Variants in PDLIM5 observed in about 807,000 individuals in gnomAD.
PDLIM5 encodes PDZ and LIM domain 5.
Under a neutral mutation model 64.2 loss-of-function variants are expected in PDLIM5, and 34 were observed. The ratio of observed to expected loss-of-function variants is 0.53; its 90% CI spans 0.40 to 0.71. The LOEUF (loss-of-function observed/expected upper bound fraction) is 0.71. Among genes scored for constraint, PDLIM5 ranks in the 30% least tolerant of loss-of-function variants. The pLI, the probability that PDLIM5 is intolerant of heterozygous loss-of-function variation, is 0.00. For missense variants in PDLIM5, 683 were observed against 733.6 expected, an observed-to-expected ratio of 0.93 and a Z score of 0.80; for synonymous variants, 253 against 269.1, an observed-to-expected ratio of 0.94 and a Z score of 0.59.
chr4:94,489,213 A>G (rs774982), intron 2 of PDLIM5: 93,373 of 151,992 alleles, frequency 0.61, 29,152 homozygotes, highest in South Asian at 0.79. Context: ...TGAGACAAGT[A>G]GCTGTGTTAG....
chr4:94,591,150 T>C (rs983629848), intron 7 of PDLIM5, among the ~76,000 whole-genome samples: 3 of 152,220 alleles, frequency 2.0e-5, no homozygotes, highest in African/African-American at 7.2e-5. Flanking sequence ...TAGTGATGAA[T>C]TTGAGGATTT....
At chr4:94,528,333 C>T (rs1274746382) in intron 3 of PDLIM5, among the ~76,000 whole-genome samples, 2 of 152,098 alleles carry the variant, frequency 1.3e-5, no homozygotes, top group Non-Finnish European at 2.9e-5. Context: ...TTCAGTTCAG[C>T]GTTTAATTAT....
intron 10 of PDLIM5, among the ~76,000 whole-genome samples, chr4:94,655,292 G>A (rs1742127363): frequency 6.6e-6 from 1 of 152,000 alleles, no homozygotes; most frequent in Non-Finnish European, 1.5e-5. Flanking sequence ...GGAATACCTA[G>A]TTTCCAATGA....
At chr4:94,639,098 G>A (rs1195408927) in intron 8 of PDLIM5, among the ~76,000 whole-genome samples, 1 of 152,176 alleles carries the variant, frequency 6.6e-6, no homozygotes, top group Non-Finnish European at 1.5e-5. Context: ...CAATAAAGTA[G>A]TGGTTACTAG....
At chr4:94,644,822 G>A (rs1354913612) in intron 9 of PDLIM5, among the ~76,000 whole-genome samples, 7 of 152,054 alleles carry the variant, frequency 4.6e-5, no homozygotes, top group Admixed American at 2.6e-4. Context: ...ATTAACAGGC[G>A]TAAGCCACCA....
At chr4:94,540,622 G>A (rs1394882146) in intron 3 of PDLIM5, among the ~76,000 whole-genome samples, 1 of 152,176 alleles carries the variant, frequency 6.6e-6, no homozygotes, top group Non-Finnish European at 1.5e-5. Context: ...AATTGGGGTG[G>A]AGGAATGAGA....
intron 2 of PDLIM5, among the ~76,000 whole-genome samples, chr4:94,500,507 G>A (rs1396403874): frequency 6.6e-6 from 1 of 152,096 alleles, no homozygotes; most frequent in Non-Finnish European, 1.5e-5. Flanking sequence ...GGGAATTGAT[G>A]GCAGACTAGA....
In PDLIM5 at chr4:94,665,429, T is replaced by G; in HGVS notation, c.*1362T>G. 3.6e-6 allele frequency: 2 copies of G among 554,910 alleles called. No individual in the cohort carries two copies. The highest frequency in any genetic ancestry group is 4.5e-6 in the Non-Finnish European group (2 of 447,340). The allele number at this position is 554,910 out of a possible 1,614,324, so 34.4% of individuals were successfully genotyped here. On this transcript the variant is annotated 3_prime_UTR_variant, in exon 13 of 13. Transcript: ENST00000317968. ...CCAGGAGACGGAAGTTGCAGTGAGC[T>G]GAGATCACACCACTGCACTCCAGCC... is the stretch of plus-strand genomic sequence containing the variant.
At chr4:94,563,630 A>G (rs912379560) in intron 3 of PDLIM5, among the ~76,000 whole-genome samples, 5 of 152,234 alleles carry the variant, frequency 3.3e-5, no homozygotes, top group Admixed American at 1.3e-4. Context: ...TTGCAATTTA[A>G]CACGTTTAGC....
chr4:94,462,842 G>A (rs1304040654), intron 2 of PDLIM5, among the ~76,000 whole-genome samples: 1 of 152,104 alleles, frequency 6.6e-6, no homozygotes, highest in Non-Finnish European at 1.5e-5. Context: ...AATCAGATGG[G>A]CCAGTTTCCA....
intron 8 of PDLIM5, among the ~76,000 whole-genome samples, chr4:94,619,360 T>TG (rs1026258373): frequency 6.6e-6 from 1 of 150,726 alleles, no homozygotes; most frequent in South Asian, 2.1e-4. Context: ...TTCTTTTTTT[T>TG]TTTTCCACGG....
intron 7 of PDLIM5, chr4:94,607,943 T>C (rs1738060162): frequency 5.0e-6 from 3 of 596,540 alleles, no homozygotes; most frequent in Non-Finnish European, 8.0e-6. Flanking sequence ...AGAAAACCAA[T>C]AGTGTTCCCA....
At chr4:94,661,963 G>A (rs1176595041) in intron 11 of PDLIM5, among the ~76,000 whole-genome samples, 1 of 152,060 alleles carries the variant, frequency 6.6e-6, no homozygotes, top group African/African-American at 2.4e-5. Context: ...TGGGACTACA[G>A]GCATGCGCCA....
At chr4:94,562,224 G>T (rs1168916720) in intron 3 of PDLIM5, among the ~76,000 whole-genome samples, 1 of 152,142 alleles carries the variant, frequency 6.6e-6, no homozygotes, top group South Asian at 2.1e-4. Context: ...TTGAGTCAAG[G>T]TTGGTGTTTA....
chr4:94,479,152 G>A (rs186804508), intron 2 of PDLIM5, among the ~76,000 whole-genome samples: 86 of 150,678 alleles, frequency 5.7e-4, no homozygotes, highest in African/African-American at 1.7e-3. Flanking sequence ...CTCCCACCTC[G>A]GCCTTCCAAA....
At chr4:94,590,040 A>G (rs1008659623) in intron 7 of PDLIM5, among the ~76,000 whole-genome samples, 1 of 152,112 alleles carries the variant, frequency 6.6e-6, no homozygotes, top group Non-Finnish European at 1.5e-5. Context: ...CGGCCTCCCA[A>G]AGTGCTGGGA....
At chr4:94,618,213 C>T (rs746348193) in intron 8 of PDLIM5, 22 bp downstream of exon 8, 9 of 1,521,402 alleles carry the variant, frequency 5.9e-6, no homozygotes, top group Non-Finnish European at 8.0e-6. Flanking sequence ...AAATCTCTTG[C>T]GTCTTGCTTT....
chr4:94,455,223 T>TA, intron 1 of PDLIM5, 24 bp from the exon 2 acceptor site: 1 of 928,828 alleles, frequency 1.1e-6, no homozygotes, highest in Non-Finnish European at 1.7e-6. Flanking sequence ...ACATTTTTGC[T>TA]AATCATCTGA....
intron 9 of PDLIM5, 81 bp from the exon 10 acceptor site, chr4:94,654,378 CA>C (rs1220799962): frequency 4.7e-6 from 4 of 843,656 alleles, no homozygotes; most frequent in Admixed American, 2.0e-5. Context: ...ATTGGTTGGA[CA>C]TTGCATAAAA....
Sources: allele counts gnomAD v4.1 joint callset (sites outside exome capture counted in the v4.1 genomes callset), GRCh38; gene constraint gnomAD v4.1.1; transcripts MANE v1.5; gene names NCBI Gene and HGNC (gene_info 2026-07-23, HGNC 2026-07-21).